Variants in GPHN observed in about 807,000 individuals in gnomAD.
The protein encoded by GPHN is gephyrin.
A neutral mutation model predicts 95.5 loss-of-function variants in GPHN; 17 were observed. That is an observed-to-expected ratio of 0.18 (90% confidence interval 0.12 to 0.27). GPHN has a LOEUF of 0.27. Among genes scored for constraint, GPHN ranks in the 10% least tolerant of loss-of-function variants. GPHN has a pLI of 1.00. For missense variants in GPHN, 660 were observed against 978.1 expected, an observed-to-expected ratio of 0.67 and a Z score of 4.34; for synonymous variants, 320 against 322.5, an observed-to-expected ratio of 0.99 and a Z score of 0.08.
At chr14:66,593,786 A>G (rs2140717220) in intron 1 of GPHN, among the ~76,000 whole-genome samples, 1 of 152,308 alleles carries the variant, frequency 6.6e-6, no homozygotes, top group South Asian at 2.1e-4. Context: ...ACTCACCCTC[A>G]CTTTTGTTCA....
chr14:67,489,523 A>G, the GPHN span, among the ~76,000 whole-genome samples: 1 of 152,306 alleles, frequency 6.6e-6, no homozygotes, highest in South Asian at 2.1e-4. Context: ...TGTTTCAAGC[A>G]CTGTCATCTC....
intron 9 of GPHN, among the ~76,000 whole-genome samples, chr14:66,982,449 C>A (rs1029992165): frequency 6.6e-6 from 1 of 152,024 alleles, no homozygotes; most frequent in Non-Finnish European, 1.5e-5. Flanking sequence ...GTAATTAATC[C>A]CTGAGGAAAG....
At chr14:66,762,068 T>G (rs1482845861) in intron 2 of GPHN, among the ~76,000 whole-genome samples, 1 of 152,062 alleles carries the variant, frequency 6.6e-6, no homozygotes, top group Non-Finnish European at 1.5e-5. Flanking sequence ...CTCCTGTTTT[T>G]GGAAAGTAGA....
intron 1 of GPHN, among the ~76,000 whole-genome samples, chr14:66,563,738 G>A (rs1019742257): frequency 1.3e-5 from 2 of 152,028 alleles, no homozygotes; most frequent in East Asian, 1.9e-4. Flanking sequence ...CTAAAACTTA[G>A]GCCTCATGGC....
chr14:66,715,843 G>A (rs557474231), intron 2 of GPHN, among the ~76,000 whole-genome samples: 1 of 152,184 alleles, frequency 6.6e-6, no homozygotes, highest in African/African-American at 2.4e-5. Context: ...GTCTGAGAGA[G>A]TGCTTGATAT....
intron 4 of GPHN, among the ~76,000 whole-genome samples, chr14:66,835,076 G>A (rs1365309730): frequency 6.6e-6 from 1 of 151,348 alleles, no homozygotes; most frequent in Non-Finnish European, 1.5e-5. Context: ...ATGGTAGTTT[G>A]TATTTCTGTG....
At position 67,180,792 on chromosome 14, in the gene GPHN, A is replaced by G; in HGVS notation, c.2177-12A>G. 1 of 1,612,874 alleles carries G rather than the reference A, an allele frequency of 6.2e-7. No homozygotes were observed. Among genetic ancestry groups the G allele is most frequent in the East Asian group, 2.2e-5 (1 of 44,826 alleles). On this transcript the variant is annotated splice_polypyrimidine_tract_variant and intron_variant, in intron 22 of 22. Transcript: ENST00000478722. ...ATGCTTATGCTGCTGTAATAAGAGT[A>G]TTTCTTTCTAGGTAATCAAATGAGC...
chr14:67,626,903 T>C, the GPHN span, among the ~76,000 whole-genome samples: 1 of 152,204 alleles, frequency 6.6e-6, no homozygotes, highest in Non-Finnish European at 1.5e-5. Context: ...TGGAATGAAG[T>C]ACTAATTTAT....
At chr14:67,313,202 T>G in the GPHN span, among the ~76,000 whole-genome samples, 1 of 152,170 alleles carries the variant, frequency 6.6e-6, no homozygotes, top group Admixed American at 6.5e-5. Context: ...ACTAAAACTT[T>G]AGCTTACATT....
chr14:67,111,477 A>G (rs952054220), intron 14 of GPHN, among the ~76,000 whole-genome samples: 19 of 152,310 alleles, frequency 1.2e-4, no homozygotes, highest in African/African-American at 4.1e-4. Flanking sequence ...ATTCATGGGA[A>G]AAGAAGGAAG....
intron 9 of GPHN, among the ~76,000 whole-genome samples, chr14:67,018,201 T>G (rs1013736652): frequency 1.7e-4 from 26 of 152,198 alleles, no homozygotes; most frequent in African/African-American, 5.5e-4. Context: ...AAACCTAGGT[T>G]GTAGTGTTGG....
chr14:67,143,277 G>A, intron 17 of GPHN, 85 bp from the exon 18 acceptor site: 1 of 839,298 alleles, frequency 1.2e-6, no homozygotes, highest in Admixed American at 1.7e-5. Flanking sequence ...GCCTATTAGT[G>A]AATAAGGCGA....
chr14:66,726,633 T>A (rs2071264826), intron 2 of GPHN, among the ~76,000 whole-genome samples: 1 of 152,234 alleles, frequency 6.6e-6, no homozygotes, highest in South Asian at 2.1e-4. Flanking sequence ...TTGCCTCATA[T>A]GTATTCAAAT....
At chr14:67,037,134 T>A (rs971062834) in intron 10 of GPHN, among the ~76,000 whole-genome samples, 2 of 152,026 alleles carry the variant, frequency 1.3e-5, no homozygotes, top group African/African-American at 4.8e-5. Flanking sequence ...CATGTTCGTG[T>A]ATATGGTCAA....
chr14:67,702,240 A>G, the GPHN span, among the ~76,000 whole-genome samples: 6 of 152,078 alleles, frequency 3.9e-5, no homozygotes, highest in Admixed American at 2.6e-4. Flanking sequence ...AAGTGCTAGG[A>G]TTACACACAT....
the GPHN span, among the ~76,000 whole-genome samples, chr14:67,584,917 TG>T: frequency 6.6e-6 from 1 of 152,254 alleles, no homozygotes; most frequent in Non-Finnish European, 1.5e-5. Flanking sequence ...CCACTTGGTC[TG>T]GGAGCTTAGG....
intron 2 of GPHN, among the ~76,000 whole-genome samples, chr14:66,745,352 A>T (rs2058099132): frequency 6.6e-6 from 1 of 152,050 alleles, no homozygotes; most frequent in South Asian, 2.1e-4. Context: ...TTTACCCCTG[A>T]ATACTTCAGC....
chr14:67,301,834 C>T, the GPHN span: 4 of 998,636 alleles, frequency 4.0e-6, no homozygotes, highest in South Asian at 6.7e-5. Flanking sequence ...ATACTTAACA[C>T]ATCTTTATTA....
the GPHN span, among the ~76,000 whole-genome samples, chr14:67,303,786 A>G: frequency 6.6e-6 from 1 of 150,848 alleles, no homozygotes; most frequent in African/African-American, 2.4e-5. Flanking sequence ...TGGAAGGTGG[A>G]AGATGGAATC....
Sources: gnomAD v4.1 joint callset for allele counts (sites outside exome capture counted in the v4.1 genomes callset) on GRCh38, gnomAD v4.1.1 for gene constraint, MANE v1.5 for transcripts, NCBI Gene and HGNC (gene_info 2026-07-23, HGNC 2026-07-21) for gene names.